UBR4: variants seen among roughly 807,000 people sequenced by gnomAD.
UBR4 encodes E3 ubiquitin-protein ligase UBR4.
UBR4 carries 124 observed loss-of-function variants against 575.6 expected under a neutral mutation model. The ratio of observed to expected loss-of-function variants is 0.22; its 90% CI spans 0.19 to 0.25. The LOEUF (loss-of-function observed/expected upper bound fraction) is 0.25, where lower values mean the gene tolerates loss of function less well. Among genes scored for constraint, UBR4 ranks in the 10% least tolerant of loss-of-function variants. The pLI, the probability that UBR4 is intolerant of heterozygous loss-of-function variation, is 1.00. For missense variants in UBR4, 4,818 were observed against 6,478.8 expected (o/e 0.74, Z 8.80); for synonymous variants, 2,455 against 2,473.7 (o/e 0.99, Z 0.22).
At chr1:19,074,940 A>G in intron 105 of UBR4, 44 bp from the exon 106 acceptor site, 1 of 1,603,400 alleles carries the variant, frequency 6.2e-7, no homozygotes, top group South Asian at 1.1e-5. Context: ...GCAGGCATAC[A>G]GCCCCCATTC....
chr1:19,103,340 G>A lies in UBR4; in HGVS notation c.12901+744C>T, dbSNP rs1043533147. On this transcript the variant is annotated intron_variant, in intron 87 of 105. Coordinates refer to ENST00000375254, the MANE Select transcript of UBR4 (RefSeq NM_020765.3). Reference sequence around the variant, plus strand: ...AGCACTTTGGGAGGCCGAGGCAGGCGGATCATCTGGGGTCGGGAGTTCGAG... The same window carrying A: ...AGCACTTTGGGAGGCCGAGGCAGGCAGATCATCTGGGGTCGGGAGTTCGAG... Among the ~76,000 whole-genome samples, 11 of 152,258 alleles carry A rather than the reference G, an allele frequency of 7.2e-5. No homozygotes were observed. The East Asian group carries it at 1.7e-3, about 24-fold the overall frequency.
rs752520324 is a variant in UBR4 at position 19,086,315 on chromosome 1, G to A, written c.14688-45C>T. On this transcript the variant is annotated intron_variant, in intron 100 of 105. Coordinates refer to ENST00000375254, the MANE Select transcript of UBR4 (RefSeq NM_020765.3). ...GGGACAAGCGACTGCTGGCATTAAC[G>A]TGGCAACCAGGCACCTGGGCGGGGG... The A allele has an allele frequency of 3.1e-5, 34 of 1,109,892 alleles. No individual in the cohort carries two copies. The East Asian group carries it at 1.2e-3, about 40-fold the overall frequency. 68.8% of individuals were successfully genotyped at this position (1,109,892 alleles called of 1,614,324 possible). A position where few individuals can be genotyped will look rare whatever the true frequency, so the allele number is the denominator to read the frequency against.
At chr1:19,194,253 AG>A (rs2092309354) in intron 8 of UBR4, among the ~76,000 whole-genome samples, 1 of 152,234 alleles carries the variant, frequency 6.6e-6, no homozygotes, top group Admixed American at 6.5e-5. Flanking sequence ...ACTAATTAAA[AG>A]TATTACTGAT....
intron 13 of UBR4, 97 bp from the exon 14 acceptor site, chr1:19,186,754 C>T (rs1571616700): frequency 8.5e-7 from 1 of 1,171,370 alleles, no homozygotes. Context: ...TTTCCTAAAT[C>T]CAAGAGTATG....
chr1:19,149,762 C>G, intron 49 of UBR4: 2 of 1,302,080 alleles, frequency 1.5e-6, no homozygotes, highest in Non-Finnish European at 2.0e-6. Flanking sequence ...GGCATACTAA[C>G]CGGTCCAGCT....
chr1:19,138,935 T>C (rs1442238000), intron 59 of UBR4, 148 bp downstream of exon 59: 6 of 1,043,064 alleles, frequency 5.8e-6, no homozygotes, highest in Non-Finnish European at 7.6e-6. Flanking sequence ...CCAAATGAAT[T>C]CCACAAGACT....
intron 64 of UBR4, 130 bp from the exon 65 acceptor site, chr1:19,124,820 A>G: frequency 8.4e-7 from 1 of 1,184,678 alleles, no homozygotes; most frequent in South Asian, 1.6e-5. Flanking sequence ...AGCTGGAATC[A>G]AGACTGACTG....
chr1:19,179,043 C>T lies in UBR4; in HGVS notation c.2354+8G>A. ...TTCTCTATAGGCCTTCTCTTACAGA[C>T]ATCTTACCTGTCCCAAACTTTAAGG... On this transcript the variant is annotated splice_region_variant and intron_variant, in intron 18 of 105. Coordinates refer to ENST00000375254, the MANE Select transcript of UBR4 (RefSeq NM_020765.3). 1.2e-6 allele frequency: 2 copies of T among 1,612,402 alleles called. No homozygotes were observed. Among genetic ancestry groups the T allele is most frequent in the African/African-American group, 1.3e-5 (1 of 74,862 alleles).
rs1197841027 is a variant in UBR4, at chr1:19,114,908, G to T, written c.11105C>A (p.Ala3702Asp). 2 of 1,614,106 alleles carry T rather than the reference G, an allele frequency of 1.2e-6. No homozygotes were observed. Among genetic ancestry groups the T allele is most frequent in the Non-Finnish European group, 1.7e-6 (2 of 1,180,042 alleles). ...GCGGGCATATTTACAGAAGCCACAG[G>T]CATTGCAGAGGAAGGGATCCTTTTC... ...YDEKDPFLCN[A>D]CGFCKYARFD... The change falls in exon 75 of 106, where the codon GCC (alanine) becomes GAC (aspartate). Residue 3702 changes from alanine to aspartate, a missense_variant. Ala to Asp is a moderately radical substitution (Grantham distance 126). This residue lies in a region of UBR4 where 10 missense variants were observed against 65.4 expected (regional missense o/e 0.15). Coordinates refer to ENST00000375254, the MANE Select transcript of UBR4 (RefSeq NM_020765.3).
chr1:19,176,473 C>CT, intron 20 of UBR4, 119 bp downstream of exon 20: 1 of 1,192,232 alleles, frequency 8.4e-7, no homozygotes. Flanking sequence ...GATTTGCCAC[C>CT]CATAGGGATT....
At chr1:19,167,340 G>A in intron 28 of UBR4, 109 bp from the exon 29 acceptor site, 2 of 1,117,120 alleles carry the variant, frequency 1.8e-6, no homozygotes, top group East Asian at 2.4e-5. Flanking sequence ...AAGGGGAATT[G>A]CGCAAGGGCC....
intron 60 of UBR4, among the ~76,000 whole-genome samples, chr1:19,133,908 G>C (rs1161002041): frequency 6.6e-6 from 1 of 151,902 alleles, no homozygotes; most frequent in Non-Finnish European, 1.5e-5. Context: ...ACAAAACTCT[G>C]TCTCTACTAA....
chr1:19,148,252 A>G, intron 50 of UBR4, 125 bp from the exon 51 acceptor site: 1 of 1,256,386 alleles, frequency 8.0e-7, no homozygotes, highest in Non-Finnish European at 1.1e-6. Context: ...CATGGACTGC[A>G]AAGAGAAAAA....
intron 29 of UBR4, among the ~76,000 whole-genome samples, chr1:19,166,130 A>T (rs745727248): frequency 6.6e-6 from 1 of 152,252 alleles, no homozygotes; most frequent in African/African-American, 2.4e-5. Flanking sequence ...GGAGACAGGG[A>T]ATAAAAGGAA....
intron 103 of UBR4, 93 bp from the exon 104 acceptor site, chr1:19,078,159 C>T (rs1169147909): frequency 3.0e-6 from 4 of 1,330,904 alleles, no homozygotes; most frequent in East Asian, 2.5e-5. Context: ...GGAAGAGTCA[C>T]AGTGGTGTAT....
intron 105 of UBR4, 58 bp from the exon 106 acceptor site, chr1:19,074,954 C>G (rs2075774369): frequency 6.3e-7 from 1 of 1,580,198 alleles, no homozygotes; most frequent in Admixed American, 1.7e-5. Context: ...CCCATTCCCC[C>G]TGAGTCACAG....
intron 60 of UBR4, among the ~76,000 whole-genome samples, chr1:19,134,846 C>T (rs1046430236): frequency 2.0e-5 from 3 of 152,120 alleles, no homozygotes; most frequent in Non-Finnish European, 2.9e-5. Context: ...CCTGCACCCC[C>T]GACCCCACTC....
chr1:19,099,469 G>C, intron 90 of UBR4, 128 bp downstream of exon 90: 1 of 764,658 alleles, frequency 1.3e-6, no homozygotes, highest in Non-Finnish European at 2.1e-6. Context: ...CCCCAAACAG[G>C]GACAGTAAAG....
At chr1:19,147,063 G>A in intron 51 of UBR4, 63 bp from the exon 52 acceptor site, 1 of 1,490,974 alleles carries the variant, frequency 6.7e-7, no homozygotes, top group Non-Finnish European at 9.0e-7. Flanking sequence ...AAAGCAAAGA[G>A]GAGAGAAAAG....
Sources: gnomAD v4.1 joint callset for allele counts (sites outside exome capture counted in the v4.1 genomes callset) on GRCh38, gnomAD v4.1.1 for gene constraint, gnomAD v4.1.1 regional missense constraint, MANE v1.5 for transcripts, NCBI Gene and HGNC (gene_info 2026-07-23, HGNC 2026-07-21) for gene names.